The following LINGO2 variants were observed in gnomAD, a reference collection of about 807,000 sequenced individuals.
LINGO2 encodes leucine-rich repeat and immunoglobulin-like domain-containing nogo receptor-interacting protein 2.
LINGO2 carries 14 observed loss-of-function variants against 30.6 expected under a neutral mutation model. The ratio of observed to expected loss-of-function variants is 0.46; its 90% CI spans 0.30 to 0.72. LINGO2 has a LOEUF of 0.72. Ranked by LOEUF, LINGO2 falls within the 30% of genes least tolerant of loss-of-function variation. The probability of loss-of-function intolerance (pLI) is 0.07; values close to 1 mark genes in which losing one functional copy is unlikely to be tolerated. For synonymous variants in LINGO2, 317 were observed against 288.5 expected, an observed-to-expected ratio of 1.10 and a Z score of -1.00; for missense variants, 729 against 751.7, an observed-to-expected ratio of 0.97 and a Z score of 0.35.
At chr9:28,596,532 A>G (rs1420711565) in intron 1 of LINGO2, among the ~76,000 whole-genome samples, 1 of 152,186 alleles carries the variant, frequency 6.6e-6, no homozygotes, top group East Asian at 1.9e-4. Context: ...GAACCAGCCA[A>G]CGATGGCTTT....
At chr9:28,406,886 G>T (rs1391478700) in intron 2 of LINGO2, among the ~76,000 whole-genome samples, 1 of 152,120 alleles carries the variant, frequency 6.6e-6, no homozygotes, top group Non-Finnish European at 1.5e-5. Flanking sequence ...TTGTGCTACT[G>T]ATACTTGGCT....
chr9:28,970,342 C>A, the LINGO2 span, among the ~76,000 whole-genome samples: 1 of 152,136 alleles, frequency 6.6e-6, no homozygotes, highest in Non-Finnish European at 1.5e-5. Flanking sequence ...TGGTAGAATA[C>A]AAGATTCCAC....
chr9:28,264,432 A>T (rs1478001849), intron 4 of LINGO2, among the ~76,000 whole-genome samples: 6 of 152,162 alleles, frequency 3.9e-5, no homozygotes, highest in Middle Eastern at 3.4e-3. Flanking sequence ...TTATTTTTTA[A>T]CTTAATATAA....
chr9:28,516,978 G>A (rs1820642280), intron 1 of LINGO2, among the ~76,000 whole-genome samples: 1 of 152,192 alleles, frequency 6.6e-6, no homozygotes, highest in Non-Finnish European at 1.5e-5. Flanking sequence ...GGCACATTTT[G>A]TCAGCATGGA....
chr9:28,460,680 T>A (rs1479033078), intron 2 of LINGO2, among the ~76,000 whole-genome samples: 1 of 152,118 alleles, frequency 6.6e-6, no homozygotes, highest in African/African-American at 2.4e-5. Flanking sequence ...ATATAATGCA[T>A]CTGTAACAGG....
At chr9:28,192,081 A>T (rs1430712935) in intron 4 of LINGO2, among the ~76,000 whole-genome samples, 1 of 152,086 alleles carries the variant, frequency 6.6e-6, no homozygotes, top group East Asian at 1.9e-4. Context: ...ACTCAGATTT[A>T]ATATAGACAA....
intron 4 of LINGO2, among the ~76,000 whole-genome samples, chr9:28,019,728 A>G (rs559619574): frequency 1.3e-5 from 2 of 152,232 alleles, no homozygotes; most frequent in East Asian, 1.9e-4. Flanking sequence ...TGCAAAAGCA[A>G]TATTTTTTCT....
intron 1 of LINGO2, among the ~76,000 whole-genome samples, chr9:28,507,308 T>A (rs568771827): frequency 6.6e-6 from 1 of 152,204 alleles, no homozygotes; most frequent in East Asian, 1.9e-4. Flanking sequence ...CTATGTTATA[T>A]CCTTCAAGAG....
chr9:28,423,578 A>G (rs1016640599), intron 2 of LINGO2, among the ~76,000 whole-genome samples: 2 of 152,144 alleles, frequency 1.3e-5, no homozygotes, highest in Non-Finnish European at 2.9e-5. Context: ...TAAAATTTCC[A>G]GGGTGATTAG....
At chr9:28,010,492 T>G (rs73643230) in intron 5 of LINGO2, among the ~76,000 whole-genome samples, 5,485 of 152,184 alleles carry the variant, frequency 0.036, 141 homozygotes, top group African/African-American at 0.073. Flanking sequence ...ACATGGAAAC[T>G]CAATGTATAA....
chr9:28,140,023 G>C (rs986467378), intron 4 of LINGO2, among the ~76,000 whole-genome samples: 4 of 152,166 alleles, frequency 2.6e-5, no homozygotes, highest in African/African-American at 9.7e-5. Context: ...TGTGCATACA[G>C]ACATATACAA....
intron 5 of LINGO2, among the ~76,000 whole-genome samples, chr9:27,986,679 G>A (rs901158779): frequency 6.6e-6 from 1 of 151,864 alleles, no homozygotes; most frequent in African/African-American, 2.4e-5. Flanking sequence ...GAGTATCAGG[G>A]AAAGTGCTCG....
the LINGO2 span, among the ~76,000 whole-genome samples, chr9:28,917,598 A>C: frequency 2.4e-4 from 36 of 151,990 alleles, no homozygotes; most frequent in Non-Finnish European, 5.9e-5. Context: ...GATTACAGGC[A>C]CCCACCACCA....
intron 4 of LINGO2, among the ~76,000 whole-genome samples, chr9:28,214,657 A>T (rs1364894447): frequency 6.6e-6 from 1 of 151,596 alleles, no homozygotes; most frequent in Admixed American, 6.6e-5. Flanking sequence ...ATACTAAGAA[A>T]ATAGTGTCAT....
At chr9:27,995,477 C>T (rs1439977248) in intron 5 of LINGO2, among the ~76,000 whole-genome samples, 2 of 152,138 alleles carry the variant, frequency 1.3e-5, no homozygotes, top group East Asian at 3.9e-4. Flanking sequence ...ATGCAGACAT[C>T]CTAAACAAAA....
intron 2 of LINGO2, among the ~76,000 whole-genome samples, chr9:28,449,848 T>C (rs768357309): frequency 1.3e-5 from 2 of 152,026 alleles, no homozygotes; most frequent in African/African-American, 4.8e-5. Context: ...CACTGAGACT[T>C]GAAATTAAGT....
rs73644072 is a variant in LINGO2, at chr9:28,571,401, T to C, written c.-364-95376A>G. Among the ~76,000 whole-genome samples the C allele has an allele frequency of 9.6e-3, 1,459 of 152,154 alleles. 25 individuals are homozygous for C. Among genetic ancestry groups the C allele is most frequent in the African/African-American group, 0.031 (1,282 of 41,550 alleles). ...GGGTTGGCTGCTATTACTAAAACAC[T>C]CTGTACAGAGATTTGCTAAGATGAA... is the stretch of plus-strand genomic sequence containing the variant. On this transcript the variant is annotated intron_variant, in intron 1 of 5. Coordinates refer to ENST00000379992, the Ensembl canonical transcript of LINGO2.
chr9:28,164,208 G>A (rs1404817790), intron 4 of LINGO2, among the ~76,000 whole-genome samples: 2 of 152,098 alleles, frequency 1.3e-5, no homozygotes, highest in Non-Finnish European at 2.9e-5. Context: ...TTTGACATCT[G>A]AAGGTACAGC....
At position 28,037,874 on chromosome 9, in the gene LINGO2, T is replaced by C. The variant is rs374318819; in HGVS notation, c.-86-25469A>G. ...CTATGTTAGGCGTCAGCTACTCTACTAGTCCTTTACCTGAAGTAACTCATA... is the reference window on the plus strand; with the variant it reads ...CTATGTTAGGCGTCAGCTACTCTACCAGTCCTTTACCTGAAGTAACTCATA... On this transcript the variant is annotated intron_variant, in intron 4 of 5. Coordinates refer to ENST00000379992, the Ensembl canonical transcript of LINGO2. Among the ~76,000 whole-genome samples the C allele has an allele frequency of 2.6e-5, 4 of 152,344 alleles. No individual in the cohort carries two copies. The East Asian group carries it at 7.7e-4, about 29-fold the overall frequency.
Sources: gnomAD v4.1 joint callset for allele counts (sites outside exome capture counted in the v4.1 genomes callset) on GRCh38, gnomAD v4.1.1 for gene constraint, MANE v1.5 for transcripts, NCBI Gene and HGNC (gene_info 2026-07-23, HGNC 2026-07-21) for gene names.